Variants in MDN1 observed in about 807,000 individuals in gnomAD.
MDN1 encodes the protein midasin AAA ATPase 1, also known as midasin.
Under a neutral mutation model 669.2 loss-of-function variants are expected in MDN1, and 266 were observed. That is an observed-to-expected ratio of 0.40 (90% CI 0.36 to 0.44). MDN1 has a LOEUF of 0.44. MDN1 is among the 20% of genes least tolerant of loss of function. The pLI is 1.00. For synonymous variants in MDN1, 2,385 were observed against 2,457.1 expected (o/e 0.97, Z 0.87); for missense variants, 5,940 against 6,754.0 (o/e 0.88, Z 4.22).
In MDN1 at chr6:89,690,042, C is replaced by T. The variant is rs144338511; in HGVS notation, c.10851G>A (p.Gln3617=). The part of the protein sequence containing the change: ...EAGTNPALLS[Q]NSMQAVMLIH... The stretch of plus-strand genomic sequence containing the variant: ...TCAGCATTACTGCCTGCATTGAATT[C>T]TGGGAGAGGAGAGCTGGGTTTGTGC... Residue 3617 remains glutamine (Q), a synonymous_variant, in exon 65 of 102, where the codon CAG becomes CAA. Coordinates refer to ENST00000369393, the MANE Select transcript of MDN1 (RefSeq NM_014611.3). 1 of 1,614,210 alleles carries T rather than the reference C, an allele frequency of 6.2e-7. No individual in the cohort carries two copies. The highest frequency in any genetic ancestry group is 8.5e-7 in the Non-Finnish European group (1 of 1,180,032).
At chr6:89,705,595 A>G (rs1562117122) in intron 53 of MDN1, among the ~76,000 whole-genome samples, 1 of 152,370 alleles carries the variant, frequency 6.6e-6, no homozygotes, top group East Asian at 1.9e-4. Context: ...ATGAAACCAC[A>G]TGGATGCATC....
At chr6:89,656,607 T>C (rs921579191) in intron 91 of MDN1, 93 bp downstream of exon 91, 118 of 980,426 alleles carry the variant, frequency 1.2e-4, no homozygotes, top group Non-Finnish European at 1.7e-4. Context: ...ACCAGGAGTA[T>C]AGCTTTTTTT....
Position 89,680,698 on chromosome 6 carries a change from C to G in MDN1, c.12156G>C (p.Glu4052Asp). 6.2e-7 allele frequency: 1 copy of G among 1,614,134 alleles called. No homozygotes were observed. The highest frequency in any genetic ancestry group is 8.5e-7 in the Non-Finnish European group (1 of 1,180,012). Residue 4052 changes from glutamate (E) to aspartate (D), a missense_variant, in exon 74 of 102, where the codon GAG becomes GAC. Physicochemically the swap from Glu to Asp is conservative, Grantham distance 45. Transcript: ENST00000369393. ...QGAAPSGLEG[E>D]LLRRLPKLRK... ...TGAGCTTTGGCAAGCGACGCAGAAG[C>G]TCCCCTTCCAAGCCGGAAGGAGCAG...
Position 89,686,906 on chromosome 6 carries a change from C to G in MDN1, c.11568G>C (p.Gln3856His), listed in dbSNP as rs763994949. Reference protein sequence around the residue: ...EKHMQEQTEEQEDDKQMTLML... With the variant: ...EKHMQEQTEEHEDDKQMTLML... ...AAATGTACTGCTAGGCATTACCTTC[C>G]TGTTCTTCTGTTTGTTCCTGCATGT... Residue 3856 changes from glutamine to histidine, a missense_variant, in exon 69 of 102, where the codon CAG becomes CAC. Transcript: ENST00000369393. 6.2e-6 allele frequency: 10 copies of G among 1,613,610 alleles called. No homozygotes were observed. The highest frequency in any genetic ancestry group is 1.1e-5 in the South Asian group (1 of 91,070).
chr6:89,663,172 T>G (rs376284076), intron 85 of MDN1, among the ~76,000 whole-genome samples: 8 of 152,310 alleles, frequency 5.3e-5, no homozygotes, highest in Admixed American at 3.3e-4. Flanking sequence ...CAAGGAAGTC[T>G]ATAATGTGTG....
In MDN1 at chr6:89,805,537, C is replaced by G. The variant is rs574000348; in HGVS notation, c.103-1983G>C. ...AGCCTGGGTGACAAACAGTTAAAGC[C>G]CTGTCTCCCCCCACAACAAAAAAAG... On this transcript the variant is annotated intron_variant, in intron 1 of 101. Coordinates refer to ENST00000369393, the MANE Select transcript of MDN1 (RefSeq NM_014611.3). Among the ~76,000 whole-genome samples the G allele has an allele frequency of 2.0e-5, 3 of 152,182 alleles. No homozygotes were observed. In the East Asian group the frequency reaches 5.8e-4, roughly 29 times the overall value.
chr6:89,693,110 G>C lies in MDN1; in HGVS notation c.9920C>G (p.Thr3307Ser). ...RQRMDRLDNL[T>S]CHLLKKQAFR... ...GGCCTGTTTCTTCAACAGGTGACAGGTTAAATTATCCAGCCGATCCATCCT... is the reference window on the plus strand; with the variant it reads ...GGCCTGTTTCTTCAACAGGTGACAGCTTAAATTATCCAGCCGATCCATCCT... Residue 3307 changes from threonine (T) to serine (S), a missense_variant, in exon 63 of 102, where the codon ACC becomes AGC. By Grantham distance (58) the Thr-to-Ser change is moderately conservative (BLOSUM62 1). Coordinates refer to ENST00000369393, the MANE Select transcript of MDN1 (RefSeq NM_014611.3). The C allele has an allele frequency of 6.2e-7, 1 of 1,608,618 alleles. No individual in the cohort carries two copies. The highest frequency in any genetic ancestry group is 8.5e-7 in the Non-Finnish European group (1 of 1,177,872).
At chr6:89,799,233 T>C (rs1767473296) in intron 2 of MDN1, among the ~76,000 whole-genome samples, 1 of 152,178 alleles carries the variant, frequency 6.6e-6, no homozygotes. Flanking sequence ...CTATTCTTCA[T>C]AAAGGCTGTG....
chr6:89,786,485 T>C (rs995574527), intron 8 of MDN1, among the ~76,000 whole-genome samples: 1 of 151,826 alleles, frequency 6.6e-6, no homozygotes, highest in Non-Finnish European at 1.5e-5. Flanking sequence ...TGTACCCCTG[T>C]AGTCCTAGCT....
rs1386257659 is a variant in MDN1, at chr6:89,729,116, T to C, written c.5164A>G (p.Ile1722Val). 1 of 1,613,426 alleles carries C rather than the reference T, an allele frequency of 6.2e-7. No individual in the cohort carries two copies. Among genetic ancestry groups the C allele is most frequent in the Non-Finnish European group, 8.5e-7 (1 of 1,179,940 alleles). The change falls in exon 36 of 102, where the codon ATT becomes GTT. Residue 1722 changes from isoleucine (I) to valine (V), a missense_variant. By Grantham distance (29) the Ile-to-Val change is conservative. This residue lies in a region of MDN1 where 2,292 missense variants were observed against 2,638.3 expected (regional missense o/e 0.87). Transcript: ENST00000369393. ...PRGPVLHRNN[I>V]ADYALSAGTT... ...CCTGCACTGAGTGCATAGTCTGCAA[T>C]ATTATTCCTGTGTAGGACAGGTCCT...
chr6:89,648,341 A>G lies in MDN1; in HGVS notation c.16207-12T>C. On this transcript the variant is annotated splice_polypyrimidine_tract_variant and intron_variant, in intron 97 of 101. Transcript: ENST00000369393. ...GATTCAAATGCAAGCTGTGAATTAG[A>G]AAGTTAATGATTTTAGGAATCAGAA... is the stretch of plus-strand genomic sequence containing the variant. 1 of 1,612,450 alleles carries G rather than the reference A, an allele frequency of 6.2e-7. No homozygotes were observed. Among genetic ancestry groups the G allele is most frequent in the Non-Finnish European group, 8.5e-7 (1 of 1,178,456 alleles).
chr6:89,817,334 A>T (rs907994149), intron 1 of MDN1, among the ~76,000 whole-genome samples: 1 of 152,176 alleles, frequency 6.6e-6, no homozygotes, highest in African/African-American at 2.4e-5. Context: ...AAGTATCACA[A>T]TTTGGGAGTA....
chr6:89,754,314 AT>A, intron 20 of MDN1, 84 bp from the exon 21 acceptor site: 1 of 1,395,718 alleles, frequency 7.2e-7, no homozygotes, highest in Non-Finnish European at 9.7e-7. Flanking sequence ...CCCAAAGGAC[AT>A]TTTTTAGATC....
Position 89,761,213 on chromosome 6 carries a change from T to A in MDN1, c.2460+432A>T, listed in dbSNP as rs552049838. On this transcript the variant is annotated intron_variant, in intron 17 of 101. Transcript: ENST00000369393. ...AAAGCCTTAATTAGACAGAAAAAAA[T>A]AAGCTTTCTTCCCTTTGAGATATAT... 5.9e-5 allele frequency among the ~76,000 whole-genome samples: 9 copies of A among 152,014 alleles called. No homozygotes were observed. The East Asian group carries it at 1.7e-3, about 29-fold the overall frequency.
chr6:89,692,664 C>T lies in MDN1; in HGVS notation c.10366G>A (p.Ala3456Thr). The change falls in exon 63 of 102, where the codon GCA becomes ACA. Residue 3456 changes from alanine (A) to threonine (T), a missense_variant. Ala to Thr is a moderately conservative substitution (Grantham distance 58). This residue lies in a region of MDN1 where 150 missense variants were observed against 234.2 expected (regional missense o/e 0.64). Coordinates refer to ENST00000369393, the MANE Select transcript of MDN1 (RefSeq NM_014611.3). ...GPTFPTYYAH[A>T]DTLCSVKSEE... ...GACTTCACCGAGCACAAAGTGTCTG[C>T]ATGAGCATAGTAAGTCGGGAAGGTG... is the stretch of plus-strand genomic sequence containing the variant. 6.2e-7 allele frequency: 1 copy of T among 1,614,232 alleles called. No individual in the cohort carries two copies. The highest frequency in any genetic ancestry group is 1.7e-5 in the Admixed American group (1 of 60,028).
rs1285016770 is a variant in MDN1, at chr6:89,774,620, C to CTTAA, written c.1934_1934+1insTTAA (p.Arg645SerfsTer2). 2.5e-6 allele frequency: 4 copies of CTTAA among 1,609,358 alleles called. No homozygotes were observed. The stretch of plus-strand genomic sequence containing the variant: ...GCAGCTTAGTTTAGAGCCCTACTTA[C>CTTAA]CTCTGTAGGTGAACAGCCTCACTTT... On this transcript the variant is annotated stop_gained and frameshift_variant and splice_region_variant. Coordinates refer to ENST00000369393, the MANE Select transcript of MDN1 (RefSeq NM_014611.3). LOFTEE classifies it high-confidence loss of function.
In MDN1 at chr6:89,674,156, C is replaced by G; in HGVS notation, c.13195G>C (p.Ala4399Pro). 1 of 1,614,174 alleles carries G rather than the reference C, an allele frequency of 6.2e-7. No homozygotes were observed. The highest frequency in any genetic ancestry group is 8.5e-7 in the Non-Finnish European group (1 of 1,180,036). ...TGCTGTCTAATTTTGTCGACGTCAGCTTTCACTGTTTTAATGGTTTTTAGC... is the reference window on the plus strand; with the variant it reads ...TGCTGTCTAATTTTGTCGACGTCAGGTTTCACTGTTTTAATGGTTTTTAGC... ...EMLKTIKTVK[A>P]DVDKIRQQSC... Residue 4399 changes from alanine to proline, a missense_variant, in exon 79 of 102, where the codon GCT (alanine) becomes CCT (proline). Around this residue, in one of 5 missense-constraint regions of MDN1, gnomAD observed 2,280 missense variants for 2,576.3 expected, o/e 0.88. Transcript: ENST00000369393.
At chr6:89,658,062 A>C in intron 90 of MDN1, 147 bp downstream of exon 90, 1 of 895,452 alleles carries the variant, frequency 1.1e-6, no homozygotes, top group Non-Finnish European at 1.7e-6. Flanking sequence ...TTAAAGAATG[A>C]GATGTGGTCT....
At chr6:89,791,604 G>C (rs1460663624) in intron 5 of MDN1, among the ~76,000 whole-genome samples, 1 of 152,070 alleles carries the variant, frequency 6.6e-6, no homozygotes, top group East Asian at 1.9e-4. Context: ...GACATTTTCT[G>C]TAACAAAAAG....
Sources: gnomAD v4.1 joint callset for allele counts (sites outside exome capture counted in the v4.1 genomes callset) on GRCh38, gnomAD v4.1.1 for gene constraint, gnomAD v4.1.1 regional missense constraint, MANE v1.5 for transcripts, NCBI Gene and HGNC (gene_info 2026-07-23, HGNC 2026-07-21) for gene names.